The following ZNF208 variants were observed in gnomAD, a reference collection of about 807,000 sequenced individuals.
The protein encoded by ZNF208 is zinc finger protein 208, also known as zinc finger protein 95.
In ZNF208, 10 loss-of-function variants were observed where a neutral mutation model predicts 12.1. The ratio of observed to expected loss-of-function variants is 0.83; its 90% CI spans 0.51 to 1.40. ZNF208 has a LOEUF of 1.40. Among genes scored for constraint, ZNF208 ranks in the 40% most tolerant of loss-of-function variants. The pLI is 0.00. For synonymous variants in ZNF208, 497 were observed against 488.4 expected, an observed-to-expected ratio of 1.02 and a Z score of -0.23; for missense variants, 1,652 against 1,485.0, an observed-to-expected ratio of 1.11 and a Z score of -1.85.
At chr19:21,986,083 G>A (rs1211172662) in intron 3 of ZNF208, among the ~76,000 whole-genome samples, 1 of 152,174 alleles carries the variant, frequency 6.6e-6, no homozygotes, top group Non-Finnish European at 1.5e-5. Context: ...TTTAAGAGGT[G>A]TTTACTCCTT....
chr19:21,962,522 C>A (rs1349897960), downstream of ZNF208, among the ~76,000 whole-genome samples: 5 of 151,970 alleles, frequency 3.3e-5, no homozygotes, highest in Admixed American at 2.0e-4. Flanking sequence ...AGGAATTTTT[C>A]ATGATCTTTC....
In ZNF208 at chr19:21,959,161, C is replaced by A. The variant is rs149841964; in HGVS notation, c.305+15568G>T. Among the ~76,000 whole-genome samples the A allele has an allele frequency of 7.7e-3, 1,175 of 151,840 alleles. 9 individuals are homozygous for A. The highest frequency in any genetic ancestry group is 0.027 in the African/African-American group (1,101 of 41,392). The stretch of plus-strand genomic sequence containing the variant: ...AGCACTTAAGCATCAAGGACAGGAC[C>A]CTGGATGATGAAAAGTGCATATTTA... On this transcript the variant is annotated intron_variant, in intron 4 of 4. Coordinates refer to the ZNF208 transcript ENST00000599916.
intron 3 of ZNF208, among the ~76,000 whole-genome samples, chr19:21,985,698 G>A (rs1270019432): frequency 2.0e-5 from 3 of 152,164 alleles, no homozygotes; most frequent in Admixed American, 6.5e-5. Context: ...GAGCCATGAC[G>A]GCAGGCCGGC....
At chr19:21,980,668 A>G (rs1970521521) in intron 3 of ZNF208, among the ~76,000 whole-genome samples, 1 of 152,206 alleles carries the variant, frequency 6.6e-6, no homozygotes, top group Non-Finnish European at 1.5e-5. Flanking sequence ...TAGAGAAGCA[A>G]GAATAAACAA....
chr19:21,959,951 G>A (rs977067272), intron 4 of ZNF208, among the ~76,000 whole-genome samples: 1 of 152,088 alleles, frequency 6.6e-6, no homozygotes, highest in African/African-American at 2.4e-5. Flanking sequence ...TATTTTGTCA[G>A]CTTAGTATTT....
chr19:21,986,151 A>C lies in ZNF208; in HGVS notation c.226+1065T>G, dbSNP rs1599623728. Among the ~76,000 whole-genome samples the C allele has an allele frequency of 4.6e-5, 7 of 152,324 alleles. No homozygotes were observed. In the South Asian group the frequency reaches 1.4e-3, roughly 32 times the overall value. ...GTTCATTGTCAATGCTTCTATTTTAACACAGCACTTGAAGTATGTGGAAGA... is the reference window on the plus strand; with the variant it reads ...GTTCATTGTCAATGCTTCTATTTTACCACAGCACTTGAAGTATGTGGAAGA... On this transcript the variant is annotated intron_variant, in intron 3 of 3. Coordinates refer to ENST00000397126, the MANE Select transcript of ZNF208 (RefSeq NM_007153.3).
chr19:22,003,938 C>G (rs1971000008), intron 1 of ZNF208, among the ~76,000 whole-genome samples: 1 of 151,818 alleles, frequency 6.6e-6, no homozygotes, highest in African/African-American at 2.4e-5. Context: ...GGGGGATGAG[C>G]TAGGTGGATT....
intron 1 of ZNF208, among the ~76,000 whole-genome samples, chr19:21,990,763 G>T (rs1970718970): frequency 6.6e-6 from 1 of 152,138 alleles, no homozygotes; most frequent in African/African-American, 2.4e-5. Context: ...CCATTTGTTT[G>T]TATCCTCTTT....
At chr19:21,982,341 G>A (rs1970556124) in intron 3 of ZNF208, among the ~76,000 whole-genome samples, 1 of 125,654 alleles carries the variant, frequency 8.0e-6, no homozygotes, top group Admixed American at 9.2e-5. Flanking sequence ...CTGGGTGATA[G>A]AGCGAGACTC....
chr19:21,990,172 G>A (rs1267062520), intron 1 of ZNF208, among the ~76,000 whole-genome samples: 1 of 152,084 alleles, frequency 6.6e-6, no homozygotes, highest in African/African-American at 2.4e-5. Context: ...CCTATGTCCT[G>A]AATGGTAATG....
chr19:21,960,820 C>T (rs1970054019), intron 4 of ZNF208, among the ~76,000 whole-genome samples: 1 of 152,186 alleles, frequency 6.6e-6, no homozygotes, highest in Admixed American at 6.5e-5. Flanking sequence ...CACTCAAAAA[C>T]CTCATTTGAA....
intron 4 of ZNF208, among the ~76,000 whole-genome samples, chr19:21,958,068 G>A (rs1435637912): frequency 1.3e-5 from 2 of 151,478 alleles, no homozygotes; most frequent in East Asian, 1.9e-4. Flanking sequence ...TCCCACCTAT[G>A]AGTGAGAATA....
At chr19:21,991,282 CA>C (rs1970729175) in intron 1 of ZNF208, among the ~76,000 whole-genome samples, 1 of 152,126 alleles carries the variant, frequency 6.6e-6, no homozygotes, top group Non-Finnish European at 1.5e-5. Context: ...TGCATCCCAT[CA>C]ATACCTAATT....
intron 4 of ZNF208, chr19:21,941,064 C>T (rs1450145725): frequency 3.5e-6 from 1 of 287,424 alleles, no homozygotes; most frequent in Non-Finnish European, 6.4e-6. Context: ...AGGAGGTGCC[C>T]CGCAGAGGAG....
chr19:22,009,746 CAAAAA>C (rs567429006), intron 1 of ZNF208, among the ~76,000 whole-genome samples: 1 of 108,190 alleles, frequency 9.2e-6, no homozygotes. Flanking sequence ...GACTTGGTCT[CAAAAA>C]AAAAAAAAAA....
chr19:21,983,855 G>A (rs1364504875), intron 3 of ZNF208, among the ~76,000 whole-genome samples: 1 of 152,092 alleles, frequency 6.6e-6, no homozygotes, highest in Non-Finnish European at 1.5e-5. Flanking sequence ...CTGTCAAGGG[G>A]TGGGGGCTAG....
At chr19:21,953,356 A>G (rs1244795715) in intron 4 of ZNF208, among the ~76,000 whole-genome samples, 1 of 152,084 alleles carries the variant, frequency 6.6e-6, no homozygotes, top group Non-Finnish European at 1.5e-5. Context: ...TCCAAGACAC[A>G]TAATTGTCAG....
intron 3 of ZNF208, among the ~76,000 whole-genome samples, chr19:21,981,834 C>G (rs930459153): frequency 2.0e-5 from 3 of 152,096 alleles, no homozygotes; most frequent in Non-Finnish European, 4.4e-5. Flanking sequence ...CAAGATCTCC[C>G]TAAATGGATA....
chr19:21,986,685 C>G (rs920042042), intron 3 of ZNF208: 3 of 197,148 alleles, frequency 1.5e-5, no homozygotes, highest in Non-Finnish European at 3.0e-5. Context: ...CTGTGAATAG[C>G]CAAAGCAATC....
Sources: gnomAD v4.1 joint callset for allele counts (sites outside exome capture counted in the v4.1 genomes callset) on GRCh38, gnomAD v4.1.1 for gene constraint, MANE v1.5 for transcripts, NCBI Gene and HGNC (gene_info 2026-07-23, HGNC 2026-07-21) for gene names.